MCF2L: variants seen among roughly 807,000 people sequenced by gnomAD.
The protein encoded by MCF2L is MCF.2 cell line derived transforming sequence like, also known as guanine nucleotide exchange factor DBS.
MCF2L carries 97 observed loss-of-function variants against 153.4 expected under a neutral mutation model. The observed-to-expected ratio is 0.63, with a 90% CI of 0.54 to 0.75. The LOEUF is 0.75. Among genes scored for constraint, MCF2L ranks in the 30% least tolerant of loss-of-function variants. The pLI, the probability that MCF2L is intolerant of heterozygous loss-of-function variation, is 0.00. For synonymous variants in MCF2L, 659 were observed against 632.2 expected, an observed-to-expected ratio of 1.04 and a Z score of -0.64; for missense variants, 1,347 against 1,495.2, an observed-to-expected ratio of 0.90 and a Z score of 1.64.
At chr13:113,073,840 G>A (rs1319916461) in intron 9 of MCF2L, among the ~76,000 whole-genome samples, 1 of 151,836 alleles carries the variant, frequency 6.6e-6, no homozygotes, top group African/African-American at 2.4e-5. Context: ...ACTTGAACCA[G>A]AGAGGCAGAG....
At chr13:112,971,827 G>A (rs576416672) in intron 1 of MCF2L, among the ~76,000 whole-genome samples, 12 of 152,294 alleles carry the variant, frequency 7.9e-5, no homozygotes, top group African/African-American at 2.4e-4. Context: ...GCTCATTTTC[G>A]TCTGTTTTGG....
chr13:112,996,071 C>T (rs1354182961), intron 1 of MCF2L, among the ~76,000 whole-genome samples: 1 of 152,224 alleles, frequency 6.6e-6, no homozygotes, highest in Admixed American at 6.5e-5. Context: ...GAGACCTCCC[C>T]TTTTCCCGAA....
rs1289840766 is a variant in MCF2L, at chr13:113,031,606, G to C, written c.278+6848G>C. Among the ~76,000 whole-genome samples, 1 of 152,104 alleles carries C rather than the reference G, an allele frequency of 6.6e-6. No homozygotes were observed. Among genetic ancestry groups the C allele is most frequent in the Non-Finnish European group, 1.5e-5 (1 of 68,010 alleles). ...GAATGCGGGGTGGAGGGAGGAGCTG[G>C]GAGATGGGGAGGAGGGCGGCGGCCC... On this transcript the variant is annotated intron_variant, in intron 3 of 29. Coordinates refer to ENST00000535094, the MANE Select transcript of MCF2L (RefSeq NM_001112732.3). The surrounding 1 kb of genome is among the most constrained non-coding windows in gnomAD (Gnocchi z 5.5).
intron 2 of MCF2L, among the ~76,000 whole-genome samples, chr13:112,931,340 G>A (rs1033742222): frequency 6.6e-5 from 10 of 152,198 alleles, no homozygotes; most frequent in African/African-American, 2.4e-4. Flanking sequence ...TAATTACGTC[G>A]TTTCCCGTAG....
At chr13:113,095,311 G>A (rs1204306832) in intron 27 of MCF2L, 2 of 1,175,758 alleles carry the variant, frequency 1.7e-6, no homozygotes, top group Non-Finnish European at 2.1e-6. Flanking sequence ...GAAGGGCAGA[G>A]AAGCCAGGCG....
intron 7 of MCF2L, chr13:113,065,372 C>T (rs2032207705): frequency 4.4e-6 from 2 of 451,474 alleles, no homozygotes; most frequent in East Asian, 4.1e-5. Context: ...GTGGCCGTGG[C>T]TTCAGGAGTG....
chr13:113,054,042 G>A lies in MCF2L; in HGVS notation c.370-6551G>A, dbSNP rs1051047988. ...TTGCTGGTGTCTGCTGAGAAGCCGAGGGGAGGTTCTGGGGCTTGGCTTGAG... is the reference window on the plus strand; with the variant it reads ...TTGCTGGTGTCTGCTGAGAAGCCGAAGGGAGGTTCTGGGGCTTGGCTTGAG... On this transcript the variant is annotated intron_variant, in intron 4 of 29. Coordinates refer to ENST00000535094, the MANE Select transcript of MCF2L (RefSeq NM_001112732.3). This position sits in a 1 kb window ranked among gnomAD's most constrained non-coding sequence, Gnocchi z 5.2. Among the ~76,000 whole-genome samples, 1 of 152,186 alleles carries A rather than the reference G, an allele frequency of 6.6e-6. No homozygotes were observed. The highest frequency in any genetic ancestry group is 1.5e-5 in the Non-Finnish European group (1 of 68,038).
intron 4 of MCF2L, among the ~76,000 whole-genome samples, chr13:113,056,678 G>A (rs1324572397): frequency 7.0e-6 from 1 of 142,554 alleles, no homozygotes; most frequent in Non-Finnish European, 1.5e-5. Flanking sequence ...TGTGGGTGCG[G>A]AGTGTTTGGG....
At chr13:112,938,870 G>A (rs1164136330) in intron 2 of MCF2L, among the ~76,000 whole-genome samples, 1 of 151,944 alleles carries the variant, frequency 6.6e-6, no homozygotes, top group Non-Finnish European at 1.5e-5. Context: ...AGCGCAGGGG[G>A]TGGGAGGTCT....
intron 2 of MCF2L, among the ~76,000 whole-genome samples, chr13:112,915,410 C>CAAAAAAAAAAAAAAAAAAAAAA (rs779274453): frequency 0.069 from 5,946 of 86,104 alleles, 888 homozygotes; most frequent in Non-Finnish European, 0.094. Context: ...CTCTGTCTCA[C>CAAAAAAAAAAAAAAAAAAAAAA]AAAAAAAAAA....
intron 4 of MCF2L, among the ~76,000 whole-genome samples, chr13:113,058,969 C>CTGTTTGGGTGCTGAG (rs55640641): frequency 0.75 from 107,950 of 144,528 alleles, 40,479 homozygotes; most frequent in African/African-American, 0.8. Flanking sequence ...TGTTTCAGCG[C>CTGTTTGGGTGCTGAG]TGTTTGGGTG....
At position 113,066,179 on chromosome 13, in the gene MCF2L, C is replaced by T. The variant is rs368634664; in HGVS notation, c.881+9C>T. On this transcript the variant is annotated intron_variant, in intron 8 of 29. Transcript: ENST00000535094. ...CAGGCCACCGTGCAGAGGTGAGGCCCGGCTGCCTTCCTGCCCTCATCCTGT... is the reference window on the plus strand; with the variant it reads ...CAGGCCACCGTGCAGAGGTGAGGCCTGGCTGCCTTCCTGCCCTCATCCTGT... The T allele has an allele frequency of 2.9e-5, 46 of 1,601,690 alleles. No homozygotes were observed. The highest frequency in any genetic ancestry group is 1.3e-4 in the South Asian group (12 of 90,186).
In MCF2L at chr13:113,087,692, ACT is replaced by A. The variant is rs769840253; in HGVS notation, c.2596-10_2596-9del. The A allele has an allele frequency of 1.1e-5, 18 of 1,607,876 alleles. No individual in the cohort carries two copies. Among genetic ancestry groups the A allele is most frequent in the South Asian group, 4.4e-5 (4 of 90,964 alleles). ...CACTGTGCACGCGAACCCCATCTCC[ACT>A]CTCTGCTCGCAGATGGCTGCCGTTG... On this transcript the variant is annotated splice_polypyrimidine_tract_variant and intron_variant, in intron 22 of 29. Transcript: ENST00000535094.
intron 16 of MCF2L, 89 bp from the exon 17 acceptor site, chr13:113,082,338 G>A: frequency 1.3e-6 from 1 of 760,386 alleles, no homozygotes; most frequent in Non-Finnish European, 2.4e-6. Context: ...GGCTGGCCTG[G>A]CCCACAGATG....
chr13:113,077,861 T>A (rs1226281937), intron 13 of MCF2L, among the ~76,000 whole-genome samples: 1 of 152,198 alleles, frequency 6.6e-6, no homozygotes, highest in Non-Finnish European at 1.5e-5. Context: ...TTGGCGAAAG[T>A]CAGCTGTCAA....
chr13:112,961,339 A>T (rs2081823221), intron 2 of MCF2L, among the ~76,000 whole-genome samples: 2 of 152,374 alleles, frequency 1.3e-5, no homozygotes, highest in African/African-American at 4.8e-5. Flanking sequence ...ACTGCTTTGT[A>T]CTTGGGCAAG....
chr13:112,916,879 C>T (rs1424066718), intron 2 of MCF2L, among the ~76,000 whole-genome samples: 1 of 152,174 alleles, frequency 6.6e-6, no homozygotes, highest in Admixed American at 6.5e-5. Flanking sequence ...GCATCCCTGC[C>T]TGTCCCCTGC....
intron 1 of MCF2L, among the ~76,000 whole-genome samples, chr13:112,999,673 C>T (rs1210601086): frequency 6.6e-6 from 1 of 152,128 alleles, no homozygotes; most frequent in Non-Finnish European, 1.5e-5. Flanking sequence ...GTGTTTGGTA[C>T]ATGTGTCCCA....
At chr13:112,923,605 C>G (rs1211394914) in intron 2 of MCF2L, among the ~76,000 whole-genome samples, 1 of 152,076 alleles carries the variant, frequency 6.6e-6, no homozygotes, top group African/African-American at 2.4e-5. Flanking sequence ...GCTTATAAAA[C>G]TAGAGTATAA....
Sources: allele counts gnomAD v4.1 joint callset (sites outside exome capture counted in the v4.1 genomes callset), GRCh38; gene constraint gnomAD v4.1.1; non-coding constraint Gnocchi (gnomAD v3.1); transcripts MANE v1.5; gene names NCBI Gene and HGNC (gene_info 2026-07-23, HGNC 2026-07-21).